ADAMTS18: variants seen among roughly 807,000 people sequenced by gnomAD.
ADAMTS18 encodes the protein A disintegrin and metalloproteinase with thrombospondin motifs 18.
Under a neutral mutation model 165.9 loss-of-function variants are expected in ADAMTS18, and 157 were observed. The ratio of observed to expected loss-of-function variants is 0.95; its 90% CI spans 0.83 to 1.08. ADAMTS18 has a LOEUF of 1.08. ADAMTS18 is among the 50% of genes least tolerant of loss of function. The probability of loss-of-function intolerance (pLI) is 0.00; values close to 1 mark genes in which losing one functional copy is unlikely to be tolerated. For synonymous variants in ADAMTS18, 782 were observed against 578.2 expected (o/e 1.35, Z -5.06); for missense variants, 2,040 against 1,534.0 (o/e 1.33, Z -5.51).
At chr16:77,338,361 G>C (rs1050979975) in intron 11 of ADAMTS18, among the ~76,000 whole-genome samples, 2 of 151,938 alleles carry the variant, frequency 1.3e-5, no homozygotes, top group Admixed American at 1.3e-4. Flanking sequence ...TCAGCTTCCG[G>C]AGTAGCTGGG....
intron 3 of ADAMTS18, among the ~76,000 whole-genome samples, chr16:77,401,593 A>T (rs547048516): frequency 6.6e-6 from 1 of 152,316 alleles, no homozygotes; most frequent in South Asian, 2.1e-4. Context: ...CTGTGTGAAG[A>T]TGAACTTTAT....
intron 3 of ADAMTS18, among the ~76,000 whole-genome samples, chr16:77,379,635 C>T (rs751493470): frequency 5.9e-5 from 9 of 152,136 alleles, no homozygotes; most frequent in Non-Finnish European, 1.2e-4. Flanking sequence ...ACTACAGGTG[C>T]GTGCCACCAC....
At chr16:77,375,811 A>G (rs2454941) in intron 3 of ADAMTS18, among the ~76,000 whole-genome samples, 132,175 of 152,056 alleles carry the variant, frequency 0.87, 57,658 homozygotes, top group African/African-American at 0.93. Context: ...AAGAAGCATG[A>G]CTGGAAGCCT....
In ADAMTS18 at chr16:77,364,386, G is replaced by C. The variant is rs1332199766; in HGVS notation, c.779-5C>G. On this transcript the variant is annotated splice_polypyrimidine_tract_variant and splice_region_variant and intron_variant, in intron 4 of 22. Coordinates refer to ENST00000282849, the MANE Select transcript of ADAMTS18 (RefSeq NM_199355.4). ...CTGTGGGAGGCTTGGGAGCATCTACGATGAACAGAAGAGCATTTGGAAGGG... is the reference window on the plus strand; with the variant it reads ...CTGTGGGAGGCTTGGGAGCATCTACCATGAACAGAAGAGCATTTGGAAGGG... The C allele has an allele frequency of 1.2e-6, 2 of 1,613,476 alleles. No individual in the cohort carries two copies. The highest frequency in any genetic ancestry group is 2.2e-5 in the East Asian group (1 of 44,862).
At chr16:77,339,025 C>T (rs1448571370) in intron 11 of ADAMTS18, among the ~76,000 whole-genome samples, 6 of 151,354 alleles carry the variant, frequency 4.0e-5, no homozygotes, top group African/African-American at 1.2e-4. Context: ...GTACAAATAT[C>T]GCTGAAGGAC....
chr16:77,404,189 C>T (rs1015821800), intron 3 of ADAMTS18, among the ~76,000 whole-genome samples: 1 of 152,110 alleles, frequency 6.6e-6, no homozygotes, highest in Admixed American at 6.6e-5. Flanking sequence ...AGCAAAAAAA[C>T]GTGAATGAAT....
At chr16:77,291,244 T>G in intron 21 of ADAMTS18, 22 bp downstream of exon 21, 4 of 1,612,868 alleles carry the variant, frequency 2.5e-6, no homozygotes, top group Non-Finnish European at 3.4e-6. Context: ...AATAGACACC[T>G]CCTCAATCGG....
chr16:77,428,083 T>C (rs946216053), intron 3 of ADAMTS18, among the ~76,000 whole-genome samples: 7 of 152,126 alleles, frequency 4.6e-5, no homozygotes, highest in African/African-American at 1.7e-4. Flanking sequence ...CACTAGAAAA[T>C]TGCTACCACA....
chr16:77,315,574 CATG>C (rs1253419716), intron 16 of ADAMTS18, among the ~76,000 whole-genome samples: 1 of 152,148 alleles, frequency 6.6e-6, no homozygotes, highest in Non-Finnish European at 1.5e-5. Context: ...ATACAAATTC[CATG>C]ATATCTGTGA....
chr16:77,385,053 C>T (rs890225631), intron 3 of ADAMTS18, among the ~76,000 whole-genome samples: 3 of 151,986 alleles, frequency 2.0e-5, no homozygotes, highest in Admixed American at 6.6e-5. Flanking sequence ...GGATTACAGA[C>T]GTGCACCACC....
At chr16:77,432,216 G>T (rs1203697960) in intron 2 of ADAMTS18, among the ~76,000 whole-genome samples, 3 of 152,166 alleles carry the variant, frequency 2.0e-5, no homozygotes, top group African/African-American at 4.8e-5. Flanking sequence ...TCCAGCACTT[G>T]TATCACCCTT....
chr16:77,288,546 G>GCACTTCCCTTGAACTAACTTTA (rs1344055925), intron 22 of ADAMTS18, among the ~76,000 whole-genome samples: 11 of 152,052 alleles, frequency 7.2e-5, no homozygotes, highest in African/African-American at 4.8e-5. Flanking sequence ...AGTACTCACT[G>GCACTTCCCTTGAACTAACTTTA]CACTTCCCTT....
chr16:77,312,665 G>C lies in ADAMTS18; in HGVS notation c.2532+7184C>G, dbSNP rs149146769. 6.7e-4 allele frequency among the ~76,000 whole-genome samples: 102 copies of C among 152,288 alleles called. 1 individual carries two copies. The highest frequency in any genetic ancestry group is 2.3e-3 in the African/African-American group (94 of 41,564). Reference sequence around the variant, plus strand: ...CAGAGCTATGCATGGATTAAATAAAGTACGAATATGCAGCCAAATATGAAA... The same window carrying C: ...CAGAGCTATGCATGGATTAAATAAACTACGAATATGCAGCCAAATATGAAA... On this transcript the variant is annotated intron_variant, in intron 16 of 22. Transcript: ENST00000282849.
intron 3 of ADAMTS18, among the ~76,000 whole-genome samples, chr16:77,395,270 G>T (rs1165841930): frequency 6.6e-6 from 1 of 152,184 alleles, no homozygotes; most frequent in Non-Finnish European, 1.5e-5. Context: ...GGAGGCCAAA[G>T]TTCTCTGGAA....
At chr16:77,342,387 C>A (rs1470811110) in intron 10 of ADAMTS18, among the ~76,000 whole-genome samples, 1 of 152,162 alleles carries the variant, frequency 6.6e-6, no homozygotes, top group Non-Finnish European at 1.5e-5. Flanking sequence ...AAAAAATGTT[C>A]TACAGTTGCT....
chr16:77,291,528 C>G, intron 20 of ADAMTS18, 50 bp from the exon 21 acceptor site: 1 of 1,576,344 alleles, frequency 6.3e-7, no homozygotes, highest in Non-Finnish European at 8.7e-7. Flanking sequence ...AGGATCACAT[C>G]TTCTGGACAG....
chr16:77,315,201 T>C (rs1028689769), intron 16 of ADAMTS18, among the ~76,000 whole-genome samples: 12 of 152,156 alleles, frequency 7.9e-5, no homozygotes, highest in Admixed American at 7.9e-4. Context: ...TTTGACATTA[T>C]GGAAAATGCG....
intron 16 of ADAMTS18, among the ~76,000 whole-genome samples, chr16:77,303,381 C>T (rs1252020356): frequency 1.3e-5 from 2 of 152,200 alleles, no homozygotes; most frequent in African/African-American, 2.4e-5. Context: ...AAGAGTATAT[C>T]AATGTCTAAC....
chr16:77,367,886 T>A (rs1243655202), intron 3 of ADAMTS18, among the ~76,000 whole-genome samples, 163 bp from the exon 4 acceptor site: 2 of 152,128 alleles, frequency 1.3e-5, no homozygotes, highest in Non-Finnish European at 2.9e-5. Flanking sequence ...AACGAGTTGC[T>A]ATTATTATTG....
Sources: allele counts gnomAD v4.1 joint callset (sites outside exome capture counted in the v4.1 genomes callset), GRCh38; gene constraint gnomAD v4.1.1; transcripts MANE v1.5; gene names NCBI Gene and HGNC (gene_info 2026-07-23, HGNC 2026-07-21).